The following KPNB1 variants were observed in gnomAD, a reference collection of about 807,000 sequenced individuals.
The protein encoded by KPNB1 is importin subunit beta-1.
In KPNB1, 7 loss-of-function variants were observed where a neutral mutation model predicts 113.0. That is an observed-to-expected ratio of 0.06 (90% CI 0.04 to 0.12). KPNB1 has a LOEUF of 0.12. Ranked by LOEUF, KPNB1 falls within the 10% of genes least tolerant of loss-of-function variation. The pLI, the probability that KPNB1 is intolerant of heterozygous loss-of-function variation, is 1.00. For synonymous variants in KPNB1, 363 were observed against 378.6 expected (o/e 0.96, Z 0.48); for missense variants, 400 against 1,054.8 (o/e 0.38, Z 8.60).
At chr17:47,676,332 G>A (rs1207598641) in intron 15 of KPNB1, 77 bp from the exon 16 acceptor site, 3 of 996,066 alleles carry the variant, frequency 3.0e-6, no homozygotes, top group South Asian at 1.3e-5. Flanking sequence ...TTTTGGGAGA[G>A]GTAGGATGGG....
chr17:47,680,569 C>T lies in KPNB1; in HGVS notation c.2530C>T (p.His844Tyr), dbSNP rs774190588. Residue 844 changes from histidine (H) to tyrosine (Y), a missense_variant, in exon 21 of 22, where the codon CAT becomes TAT. By Grantham distance (83) the His-to-Tyr change is moderately conservative. Coordinates refer to ENST00000290158, the MANE Select transcript of KPNB1 (RefSeq NM_002265.6). ...LKLVEARPMIHELLTEGRRSK... is the reference protein window; with the variant it reads ...LKLVEARPMIYELLTEGRRSK... ...ATTAGTAGAAGCTAGGCCAATGATC[C>T]ATGAATTGTTAACTGAAGGGCGGAG... is the stretch of plus-strand genomic sequence containing the variant. 6.8e-6 allele frequency: 11 copies of T among 1,614,108 alleles called. No homozygotes were observed. The Admixed American group carries it at 1.2e-4, about 17-fold the overall frequency.
At chr17:47,663,294 T>C (rs111335130) in intron 7 of KPNB1, 116 bp downstream of exon 7, 5 of 663,968 alleles carry the variant, frequency 7.5e-6, no homozygotes, top group African/African-American at 7.3e-5. Flanking sequence ...ATCAAGGAAA[T>C]TCCTCGAGAC....
At chr17:47,679,729 C>A (rs2030715554) in intron 19 of KPNB1, among the ~76,000 whole-genome samples, 2 of 151,092 alleles carry the variant, frequency 1.3e-5, no homozygotes, top group South Asian at 4.2e-4. Flanking sequence ...TGGAATCTTG[C>A]TCTGTCGCCT....
chr17:47,684,236 C>G lies in KPNB1; in HGVS notation c.*1832C>G, dbSNP rs1026734438. On this transcript the variant is annotated 3_prime_UTR_variant, in exon 22 of 22. Transcript: ENST00000290158. The stretch of plus-strand genomic sequence containing the variant: ...CTTCCATTCCTAAGTGGGATTGGCT[C>G]AGTTTTGCCCATCCATATGGCAGCA... 6.6e-6 allele frequency: 1 copy of G among 151,984 alleles called. No individual in the cohort carries two copies. Among genetic ancestry groups the G allele is most frequent in the Non-Finnish European group, 1.5e-5 (1 of 68,010 alleles). 9.4% of individuals were successfully genotyped at this position (151,984 alleles called of 1,614,324 possible). A position where few individuals can be genotyped will look rare whatever the true frequency, so the allele number is the denominator to read the frequency against.
chr17:47,663,352 CTT>C (rs1337712278), intron 7 of KPNB1, among the ~76,000 whole-genome samples, 174 bp downstream of exon 7: 1 of 152,158 alleles, frequency 6.6e-6, no homozygotes, highest in Non-Finnish European at 1.5e-5. Context: ...CTGGTGCTAA[CTT>C]TGTGTGGGTA....
rs777358811 is a variant in KPNB1 at position 47,662,576 on chromosome 17, C to CA, written c.697-499dup. On this transcript the variant is annotated intron_variant, in intron 6 of 21. Coordinates refer to ENST00000290158, the MANE Select transcript of KPNB1 (RefSeq NM_002265.6). The stretch of plus-strand genomic sequence containing the variant: ...GGGCGACAGAGCAAGAAGACTGTCT[C>CA]AAAAAAAAAAAAAAGAGAAAAATGG... Among the ~76,000 whole-genome samples, 683 of 121,566 alleles carry CA rather than the reference C, an allele frequency of 5.6e-3. 3 individuals carry two copies. Among genetic ancestry groups the CA allele is most frequent in the African/African-American group, 7.0e-3 (228 of 32,628 alleles). 79.8% of individuals were successfully genotyped at this position (121,566 alleles called of 152,430 possible).
At chr17:47,680,471 C>T in intron 20 of KPNB1, 37 bp from the exon 21 acceptor site, 1 of 1,610,556 alleles carries the variant, frequency 6.2e-7, no homozygotes, top group African/African-American at 1.3e-5. Context: ...TGGTATGGGG[C>T]TAGGAGCTCA....
At chr17:47,665,267 C>A in intron 9 of KPNB1, 109 bp downstream of exon 9, 1 of 820,386 alleles carries the variant, frequency 1.2e-6, no homozygotes, top group South Asian at 1.5e-5. Context: ...ATTTGATGTT[C>A]TGTTGTTGAT....
At chr17:47,654,168 A>G (rs1348878639) in intron 3 of KPNB1, among the ~76,000 whole-genome samples, 1 of 152,212 alleles carries the variant, frequency 6.6e-6, no homozygotes, top group African/African-American at 2.4e-5. Context: ...TCATCCCAGC[A>G]CTTTGAGAGG....
At chr17:47,675,397 T>TTTTTTTTTTTTC (rs2030586632) in intron 15 of KPNB1, among the ~76,000 whole-genome samples, 1 of 142,016 alleles carries the variant, frequency 7.0e-6, no homozygotes, top group Non-Finnish European at 1.5e-5. Flanking sequence ...TTGTTTTTTT[T>TTTTTTTTTTTTC]TTGAGACTTG....
rs1204418938 is a variant in KPNB1, at chr17:47,683,914, CTTAA to C, written c.*1514_*1517del. 2.0e-5 allele frequency: 3 copies of C among 152,276 alleles called. No homozygotes were observed. The highest frequency in any genetic ancestry group is 3.9e-4 in the East Asian group (2 of 5,180). 9.4% of individuals were successfully genotyped at this position (152,276 alleles called of 1,614,324 possible). Reference sequence around the variant, plus strand: ...TGTGGTATGATTACCATAAATCAGACTTAATTATTTTCCCTTTTACAAGGGAACA... The same window carrying C: ...TGTGGTATGATTACCATAAATCAGACTTATTTTCCCTTTTACAAGGGAACA... On this transcript the variant is annotated 3_prime_UTR_variant, in exon 22 of 22. Coordinates refer to ENST00000290158, the MANE Select transcript of KPNB1 (RefSeq NM_002265.6).
intron 15 of KPNB1, among the ~76,000 whole-genome samples, chr17:47,675,362 TTTTTTTTTTG>T (rs1246215203): frequency 1.9e-5 from 2 of 105,146 alleles, no homozygotes; most frequent in Admixed American, 9.1e-5. Context: ...AGAGGTGTTG[TTTTTTTTTTG>T]TTTTTTTTTT....
intron 6 of KPNB1, 151 bp downstream of exon 6, chr17:47,661,329 G>A: frequency 1.4e-6 from 1 of 690,730 alleles, no homozygotes; most frequent in Non-Finnish European, 2.6e-6. Context: ...GCTGGGCATG[G>A]TGGCTCACAC....
At chr17:47,681,416 C>T (rs1211627014) in intron 21 of KPNB1, among the ~76,000 whole-genome samples, 2 of 151,900 alleles carry the variant, frequency 1.3e-5, no homozygotes, top group African/African-American at 2.4e-5. Context: ...TACAGGTGCC[C>T]TACCACCACC....
chr17:47,673,633 G>A, intron 14 of KPNB1, 72 bp downstream of exon 14: 2 of 1,169,154 alleles, frequency 1.7e-6, no homozygotes, highest in South Asian at 1.2e-5. Context: ...ACAAGTTCGT[G>A]TACACACAGA....
At chr17:47,673,191 A>G (rs368105290) in intron 13 of KPNB1, 26 bp downstream of exon 13, 76 of 1,611,480 alleles carry the variant, frequency 4.7e-5, no homozygotes, top group East Asian at 2.2e-5. Context: ...GCCCCTGACT[A>G]TGGGTGGGAA....
rs144912299 is a variant in KPNB1 at position 47,655,722 on chromosome 17, A to G, written c.283-1138A>G. ...CTGTCTACAAAACGAGGGTGTGAAC[A>G]TCCTTTCCTTATAACAGCAACAATG... On this transcript the variant is annotated intron_variant, in intron 3 of 21. Coordinates refer to ENST00000290158, the MANE Select transcript of KPNB1 (RefSeq NM_002265.6). 8.5e-5 allele frequency among the ~76,000 whole-genome samples: 13 copies of G among 152,312 alleles called. No individual in the cohort carries two copies. In the East Asian group the frequency reaches 2.5e-3, roughly 29 times the overall value.
At position 47,682,512 on chromosome 17, in the gene KPNB1, G is replaced by C. The variant is rs1260530042; in HGVS notation, c.*108G>C. 1 of 761,196 alleles carries C rather than the reference G, an allele frequency of 1.3e-6. No homozygotes were observed. Among genetic ancestry groups the C allele is most frequent in the African/African-American group, 1.7e-5 (1 of 58,026 alleles). 47.2% of individuals were successfully genotyped at this position (761,196 alleles called of 1,614,324 possible). On this transcript the variant is annotated 3_prime_UTR_variant, in exon 22 of 22. Transcript: ENST00000290158. ...ACGGATGCTGAATGTTTGGGAATGA[G>C]AGGATGAGTGAGTGAGGCTTGAAAA...
chr17:47,656,758 GA>G (rs1031096510), intron 3 of KPNB1, 101 bp from the exon 4 acceptor site: 38 of 1,183,536 alleles, frequency 3.2e-5, no homozygotes, highest in African/African-American at 1.5e-4. Context: ...AAGAAAGAAA[GA>G]AAAAAAAGAA....
Sources: allele counts gnomAD v4.1 joint callset (sites outside exome capture counted in the v4.1 genomes callset), GRCh38; gene constraint gnomAD v4.1.1; transcripts MANE v1.5; gene names NCBI Gene and HGNC (gene_info 2026-07-23, HGNC 2026-07-21).